RHEB: variants seen among roughly 807,000 people sequenced by gnomAD.
RHEB encodes Ras homolog, mTORC1 binding.
Under a neutral mutation model 28.8 loss-of-function variants are expected in RHEB, and 2 were observed. That is an observed-to-expected ratio of 0.07 (90% CI 0.03 to 0.22). RHEB has a LOEUF of 0.22. RHEB is among the 10% of genes least tolerant of loss of function. RHEB has a pLI of 1.00. For missense variants in RHEB, 76 were observed against 219.9 expected (o/e 0.35, Z 4.14); for synonymous variants, 69 against 77.3 (o/e 0.89, Z 0.56).
rs775272387 is a variant in RHEB at position 151,519,470 on chromosome 7, G to A, written c.42C>T (p.Tyr14=). The A allele has an allele frequency of 2.3e-5, 36 of 1,539,728 alleles. No homozygotes were observed. The highest frequency in any genetic ancestry group is 3.1e-5 in the Non-Finnish European group (36 of 1,144,790). Residue 14 remains tyrosine (Y), a synonymous_variant, in exon 1 of 8, where the codon TAC becomes TAT. Coordinates refer to ENST00000262187, the MANE Select transcript of RHEB (RefSeq NM_005614.4). ...CCACCGGCCACTCACCCACAGACCG[G>A]TAGCCCAGGATCGCGATCTTCCGGG... ...SKSRKIAILG[Y]RSVGKSSLTI...
chr7:151,505,152 A>T (rs1802847165), intron 1 of RHEB, among the ~76,000 whole-genome samples: 1 of 140,314 alleles, frequency 7.1e-6, no homozygotes, highest in South Asian at 2.4e-4. Flanking sequence ...TCCTGACACG[A>T]TACAAAATAA....
Position 151,482,350 on chromosome 7 carries a change from T to C in RHEB, c.192+2387A>G, listed in dbSNP as rs1584853027. ...ACCTCAAACTCCTGGGCTCAAGTGA[T>C]CCTTCCACCTCCCACAGTGTTGGGA... On this transcript the variant is annotated intron_variant, in intron 3 of 7. Transcript: ENST00000262187. Among the ~76,000 whole-genome samples the C allele has an allele frequency of 3.3e-5, 5 of 152,176 alleles. No homozygotes were observed. The South Asian group carries it at 1.0e-3, about 32-fold the overall frequency.
At chr7:151,503,176 G>A (rs1187446864) in intron 1 of RHEB, 6 of 789,080 alleles carry the variant, frequency 7.6e-6, no homozygotes, top group East Asian at 7.3e-5. Context: ...GCACAGAAAA[G>A]GAGAAAATTC....
chr7:151,473,974 T>C (rs1418026793), intron 4 of RHEB, among the ~76,000 whole-genome samples: 1 of 152,140 alleles, frequency 6.6e-6, no homozygotes, highest in African/African-American at 2.4e-5. Flanking sequence ...TTCCCAAGCA[T>C]CTCACTCGGA....
chr7:151,499,826 G>A lies in RHEB; in HGVS notation c.53-8812C>T, dbSNP rs964233052. ...TCCACTTTGGAAGTGTCTTTTTTTC[G>A]GAGACAGGGTCTCCCTCGGTTGCCC... is the stretch of plus-strand genomic sequence containing the variant. On this transcript the variant is annotated intron_variant, in intron 1 of 7. Coordinates refer to ENST00000262187, the MANE Select transcript of RHEB (RefSeq NM_005614.4). 3.9e-5 allele frequency among the ~76,000 whole-genome samples: 6 copies of A among 152,058 alleles called. No individual in the cohort carries two copies. The East Asian group carries it at 7.7e-4, about 20-fold the overall frequency.
chr7:151,476,289 T>C (rs1231633314), intron 4 of RHEB, among the ~76,000 whole-genome samples: 11 of 152,166 alleles, frequency 7.2e-5, no homozygotes, highest in Non-Finnish European at 1.5e-5. Context: ...CTGGCCAACA[T>C]GGCAGCCTCC....
intron 1 of RHEB, among the ~76,000 whole-genome samples, chr7:151,504,609 A>T (rs1052001157): frequency 6.6e-6 from 1 of 152,210 alleles, no homozygotes; most frequent in Non-Finnish European, 1.5e-5. Flanking sequence ...AATACAAAGG[A>T]ATTAAATACT....
At chr7:151,518,303 G>C (rs1803118280) in intron 1 of RHEB, among the ~76,000 whole-genome samples, 1 of 152,178 alleles carries the variant, frequency 6.6e-6, no homozygotes, top group Non-Finnish European at 1.5e-5. Flanking sequence ...GGCACAGGCG[G>C]TGGAAAGCGC....
rs551559005 is a variant in RHEB at position 151,504,149 on chromosome 7, CATCT to C, written c.53-13139_53-13136del. 8.0e-4 allele frequency among the ~76,000 whole-genome samples: 122 copies of C among 152,274 alleles called. No homozygotes were observed. In the Middle Eastern group the frequency reaches 0.014, roughly 17 times the overall value. Reference sequence around the variant, plus strand: ...TTTGGGCCAGTGCACTGTTTACTTCCATCTGTTTGCTGACACATTTGTGCCCAGC... The same window carrying C: ...TTTGGGCCAGTGCACTGTTTACTTCCGTTTGCTGACACATTTGTGCCCAGC... On this transcript the variant is annotated intron_variant, in intron 1 of 7. Transcript: ENST00000262187.
intron 1 of RHEB, among the ~76,000 whole-genome samples, chr7:151,492,160 G>A (rs1279091887): frequency 5.3e-5 from 8 of 152,170 alleles, no homozygotes. Context: ...ACAACAGGAC[G>A]TGCAGTGAGA....
intron 1 of RHEB, among the ~76,000 whole-genome samples, chr7:151,500,437 A>T (rs1021162699): frequency 1.3e-5 from 2 of 152,338 alleles, no homozygotes; most frequent in South Asian, 4.1e-4. Flanking sequence ...AGATTAATGG[A>T]AGAAAATGCA....
Position 151,467,107 on chromosome 7 carries a change from T to G in RHEB, c.*12A>C. ...GAATATATTCCCAGTGTCCTCAGGC[T>G]TTGCAGCAGAATCACATCACCGAGC... On this transcript the variant is annotated 3_prime_UTR_variant, in exon 8 of 8. Transcript: ENST00000262187. 1 of 1,599,476 alleles carries G rather than the reference T, an allele frequency of 6.3e-7. No homozygotes were observed. The highest frequency in any genetic ancestry group is 8.6e-7 in the Non-Finnish European group (1 of 1,166,722).
At chr7:151,512,207 A>G (rs1052754373) in intron 1 of RHEB, among the ~76,000 whole-genome samples, 10 of 152,204 alleles carry the variant, frequency 6.6e-5, no homozygotes, top group Admixed American at 3.3e-4. Context: ...ACTAAGAACA[A>G]TCCAGCCATG....
chr7:151,510,924 A>G (rs1329101057), intron 1 of RHEB, among the ~76,000 whole-genome samples: 1 of 151,710 alleles, frequency 6.6e-6, no homozygotes, highest in East Asian at 1.9e-4. Flanking sequence ...CAAAAAAATA[A>G]AAAAATAGCC....
Position 151,519,713 on chromosome 7 carries a change from A to G in RHEB, c.-202T>C, listed in dbSNP as rs1405066841. On this transcript the variant is annotated 5_prime_UTR_variant, in exon 1 of 8. Transcript: ENST00000262187. ...CGCGGCGGCGCCCCTCCCCCCCACA[A>G]CACGCCCACGTGACCGGCCGGCGTC... 1.1e-5 allele frequency: 4 copies of G among 351,510 alleles called. No homozygotes were observed. The highest frequency in any genetic ancestry group is 2.2e-5 in the African/African-American group (1 of 46,452). 21.8% of individuals were successfully genotyped at this position (351,510 alleles called of 1,614,324 possible). A position where few individuals can be genotyped will look rare whatever the true frequency, so the allele number is the denominator to read the frequency against.
chr7:151,476,387 C>T (rs1185343391), intron 4 of RHEB, among the ~76,000 whole-genome samples: 1 of 152,168 alleles, frequency 6.6e-6, no homozygotes, highest in Non-Finnish European at 1.5e-5. Flanking sequence ...CAGCCACCTG[C>T]AGCACAGAGA....
At chr7:151,483,943 T>G (rs1802422440) in intron 3 of RHEB, among the ~76,000 whole-genome samples, 1 of 152,198 alleles carries the variant, frequency 6.6e-6, no homozygotes, top group Non-Finnish European at 1.5e-5. Flanking sequence ...CACACATCCC[T>G]GCTACATTAA....
chr7:151,490,829 A>G (rs548559402), intron 2 of RHEB, 114 bp downstream of exon 2: 11 of 830,264 alleles, frequency 1.3e-5, no homozygotes, highest in Middle Eastern at 2.2e-4. Context: ...TTTGACCCCA[A>G]TTGGGAGACA....
chr7:151,509,111 T>C (rs1229146455), intron 1 of RHEB, among the ~76,000 whole-genome samples: 2 of 152,138 alleles, frequency 1.3e-5, no homozygotes, highest in Non-Finnish European at 2.9e-5. Context: ...AACATCCTTG[T>C]AGTAAGACAC....
Sources: gnomAD v4.1 joint callset for allele counts (sites outside exome capture counted in the v4.1 genomes callset) on GRCh38, gnomAD v4.1.1 for gene constraint, MANE v1.5 for transcripts, NCBI Gene and HGNC (gene_info 2026-07-23, HGNC 2026-07-21) for gene names.